Variants in SYN3 observed in about 807,000 individuals in gnomAD.
SYN3 encodes the protein synapsin-3.
A neutral mutation model predicts 65.8 loss-of-function variants in SYN3; 35 were observed. The observed-to-expected ratio is 0.53, with a 90% CI of 0.41 to 0.70. The LOEUF (loss-of-function observed/expected upper bound fraction) is 0.70. Among genes scored for constraint, SYN3 ranks in the 30% least tolerant of loss-of-function variants. The pLI is 0.00. For missense variants in SYN3, 680 were observed against 749.0 expected (o/e 0.91, Z 1.08); for synonymous variants, 270 against 292.9 (o/e 0.92, Z 0.80).
chr22:32,848,860 C>T (rs2146240766), intron 6 of SYN3, among the ~76,000 whole-genome samples: 1 of 151,162 alleles, frequency 6.6e-6, no homozygotes, highest in East Asian at 1.9e-4. Flanking sequence ...TAACCACATC[C>T]CCATAGAGCT....
At chr22:32,831,360 C>T (rs1031416382) in intron 6 of SYN3, among the ~76,000 whole-genome samples, 1 of 152,172 alleles carries the variant, frequency 6.6e-6, no homozygotes, top group Admixed American at 6.5e-5. Context: ...AAAGTTAACT[C>T]AGAGCATTAG....
intron 1 of SYN3, among the ~76,000 whole-genome samples, chr22:33,021,349 T>C (rs2053556034): frequency 6.6e-6 from 1 of 152,190 alleles, no homozygotes; most frequent in African/African-American, 2.4e-5. Flanking sequence ...TGGGGGTGTA[T>C]AGTTCTATGA....
intron 4 of SYN3, among the ~76,000 whole-genome samples, chr22:32,889,833 C>T (rs2049393466): frequency 6.6e-6 from 1 of 151,800 alleles, no homozygotes; most frequent in South Asian, 2.1e-4. Context: ...ATTTTCCTAA[C>T]TTTTTATCAA....
intron 6 of SYN3, among the ~76,000 whole-genome samples, chr22:32,843,080 C>T (rs901091440): frequency 7.2e-5 from 11 of 152,022 alleles, no homozygotes; most frequent in Non-Finnish European, 1.3e-4. Flanking sequence ...GGGGACCTCC[C>T]ATTTTTTTTT....
chr22:32,846,403 G>A (rs1412294346), intron 6 of SYN3, among the ~76,000 whole-genome samples: 1 of 152,224 alleles, frequency 6.6e-6, no homozygotes, highest in East Asian at 1.9e-4. Flanking sequence ...GTGCATGTTA[G>A]AAGTCTGAAG....
chr22:32,569,034 T>C (rs920898178), intron 7 of SYN3, among the ~76,000 whole-genome samples: 1 of 152,144 alleles, frequency 6.6e-6, no homozygotes, highest in African/African-American at 2.4e-5. Flanking sequence ...GGCAGCACAA[T>C]GCAAGTATAT....
At chr22:32,529,151 T>C in intron 10 of SYN3, 143 bp from the exon 11 acceptor site, 1 of 1,018,044 alleles carries the variant, frequency 9.8e-7, no homozygotes, top group Non-Finnish European at 1.5e-6. Context: ...CACCTCCAGC[T>C]GGGACTGGCC....
chr22:32,615,099 C>T (rs572848705), intron 6 of SYN3, among the ~76,000 whole-genome samples: 9 of 152,294 alleles, frequency 5.9e-5, no homozygotes, highest in Middle Eastern at 3.4e-3. Flanking sequence ...CTTTGATCCT[C>T]GCAATGACTC....
intron 4 of SYN3, among the ~76,000 whole-genome samples, chr22:32,883,809 G>A (rs1419438767): frequency 6.6e-6 from 1 of 152,238 alleles, no homozygotes; most frequent in Non-Finnish European, 1.5e-5. Flanking sequence ...CTATGGCGTA[G>A]CTAAGTTTGA....
intron 3 of SYN3, among the ~76,000 whole-genome samples, chr22:32,938,485 G>A (rs536910130): frequency 6.7e-4 from 100 of 149,408 alleles, no homozygotes; most frequent in African/African-American, 2.0e-3. Flanking sequence ...AGCAGCAATC[G>A]CGCCACTGCA....
At chr22:32,605,246 G>A (rs1178359903) in intron 6 of SYN3, among the ~76,000 whole-genome samples, 1 of 152,104 alleles carries the variant, frequency 6.6e-6, no homozygotes, top group Non-Finnish European at 1.5e-5. Context: ...GGAATGTGGT[G>A]ATTCGAGTGG....
At chr22:32,821,352 G>A (rs2047240967) in intron 6 of SYN3, among the ~76,000 whole-genome samples, 1 of 152,170 alleles carries the variant, frequency 6.6e-6, no homozygotes, top group African/African-American at 2.4e-5. Context: ...CATTCTTTAC[G>A]TTCCATTGAA....
Position 32,573,375 on chromosome 22 carries a change from G to C in SYN3, c.774+23299C>G, listed in dbSNP as rs114684067. Among the ~76,000 whole-genome samples, 430 of 152,212 alleles carry C rather than the reference G, an allele frequency of 2.8e-3. 2 individuals are homozygous for C. The highest frequency in any genetic ancestry group is 9.9e-3 in the African/African-American group (412 of 41,512). Reference sequence around the variant, plus strand: ...AGAATAAGGCCTCTCCTTCCATCTTGGTTTATTTGGAGATTGCAGAGAAAG... The same window carrying C: ...AGAATAAGGCCTCTCCTTCCATCTTCGTTTATTTGGAGATTGCAGAGAAAG... On this transcript the variant is annotated intron_variant, in intron 7 of 13. Transcript: ENST00000358763.
chr22:32,555,272 T>C (rs1306648653), intron 7 of SYN3, among the ~76,000 whole-genome samples: 1 of 152,208 alleles, frequency 6.6e-6, no homozygotes, highest in Non-Finnish European at 1.5e-5. Context: ...TAGGGAATAA[T>C]GCTTGAAGAG....
intron 3 of SYN3, among the ~76,000 whole-genome samples, chr22:32,977,408 C>A (rs1247758577): frequency 1.3e-5 from 2 of 152,040 alleles, no homozygotes; most frequent in Non-Finnish European, 2.9e-5. Context: ...CAGCTGGCAA[C>A]CAAGTATCTA....
chr22:32,804,224 A>G (rs1433936703), intron 6 of SYN3, among the ~76,000 whole-genome samples: 1 of 152,162 alleles, frequency 6.6e-6, no homozygotes, highest in Non-Finnish European at 1.5e-5. Context: ...GGTGAGCTGC[A>G]CTAGTGGCAG....
At chr22:32,884,584 CA>C (rs2146437516) in intron 4 of SYN3, among the ~76,000 whole-genome samples, 1 of 152,238 alleles carries the variant, frequency 6.6e-6, no homozygotes, top group Non-Finnish European at 1.5e-5. Flanking sequence ...AGCATATCTT[CA>C]AAATCATTTC....
chr22:32,867,003 C>T (rs2048704316), intron 5 of SYN3, among the ~76,000 whole-genome samples: 1 of 152,144 alleles, frequency 6.6e-6, no homozygotes, highest in Admixed American at 6.5e-5. Context: ...CTATTACTAC[C>T]ACCACTTTCC....
intron 1 of SYN3, among the ~76,000 whole-genome samples, chr22:33,013,311 T>C (rs1024882845): frequency 2.0e-5 from 3 of 152,208 alleles, no homozygotes; most frequent in Non-Finnish European, 4.4e-5. Flanking sequence ...CAAACATTTA[T>C]GGTTTAGGGT....
Sources: allele counts gnomAD v4.1 joint callset (sites outside exome capture counted in the v4.1 genomes callset), GRCh38; gene constraint gnomAD v4.1.1; transcripts MANE v1.5; gene names NCBI Gene and HGNC (gene_info 2026-07-23, HGNC 2026-07-21).